The following MTOR variants were observed in gnomAD, a reference collection of about 807,000 sequenced individuals.
MTOR encodes serine/threonine-protein kinase mTOR.
A neutral mutation model predicts 319.8 loss-of-function variants in MTOR; 70 were observed. The ratio of observed to expected loss-of-function variants is 0.22; its 90% CI spans 0.18 to 0.27. MTOR has a LOEUF of 0.27. Among genes scored for constraint, MTOR ranks in the 10% least tolerant of loss-of-function variants. The pLI, the probability that MTOR is intolerant of heterozygous loss-of-function variation, is 1.00. For synonymous variants in MTOR, 1,183 were observed against 1,211.4 expected (o/e 0.98, Z 0.49); for missense variants, 1,890 against 3,274.4 (o/e 0.58, Z 10.32).
Position 11,115,321 on chromosome 1 carries a change from T to G in MTOR, c.7089+75A>C. On this transcript the variant is annotated intron_variant, in intron 51 of 57. Coordinates refer to ENST00000361445, the MANE Select transcript of MTOR (RefSeq NM_004958.4). The surrounding 1 kb of genome is among the most constrained non-coding windows in gnomAD (Gnocchi z 4.5). ...GAGTAAGGCAGTTTGGGCTTAAGTC[T>G]GCCTACAGTGTCAGAGGAGGGGGAA... 6.9e-7 allele frequency: 1 copy of G among 1,446,030 alleles called. No individual in the cohort carries two copies. The highest frequency in any genetic ancestry group is 1.1e-5 in the South Asian group (1 of 87,432). 89.6% of individuals were successfully genotyped at this position (1,446,030 alleles called of 1,614,324 possible).
chr1:11,154,206 G>C (rs1644247339), intron 30 of MTOR, among the ~76,000 whole-genome samples: 1 of 149,324 alleles, frequency 6.7e-6, no homozygotes, highest in African/African-American at 2.5e-5. Flanking sequence ...AACAGCTTTA[G>C]TTATATAAAT....
intron 28 of MTOR, among the ~76,000 whole-genome samples, chr1:11,198,809 T>C (rs139383224): frequency 4.5e-4 from 69 of 152,332 alleles, no homozygotes; most frequent in African/African-American, 1.6e-3. Context: ...GCCTTTTATA[T>C]TCACAAAACA....
intron 28 of MTOR, among the ~76,000 whole-genome samples, chr1:11,198,891 A>G (rs926058711): frequency 1.3e-5 from 2 of 152,190 alleles, no homozygotes; most frequent in Non-Finnish European, 2.9e-5. Context: ...GTACCCTCTG[A>G]AGCCCAGGAA....
Position 11,128,760 on chromosome 1 carries a change from C to T in MTOR, c.5811+95G>A, listed in dbSNP as rs1370619109. The T allele has an allele frequency of 3.5e-6, 4 of 1,154,772 alleles. No individual in the cohort carries two copies. Among genetic ancestry groups the T allele is most frequent in the Non-Finnish European group, 5.1e-6 (4 of 781,758 alleles). The allele number at this position is 1,154,772 out of a possible 1,614,324, so 71.5% of individuals were successfully genotyped here. On this transcript the variant is annotated intron_variant, in intron 41 of 57. Transcript: ENST00000361445. The surrounding 1 kb of genome is among the most constrained non-coding windows in gnomAD (Gnocchi z 5.3). ...ACTTCCTTAGCACTGTATTAACACACACTGCCTTGTGACACTGAACACAGC... is the reference window on the plus strand; with the variant it reads ...ACTTCCTTAGCACTGTATTAACACATACTGCCTTGTGACACTGAACACAGC...
At chr1:11,182,449 C>A (rs1645191319) in intron 28 of MTOR, among the ~76,000 whole-genome samples, 1 of 152,214 alleles carries the variant, frequency 6.6e-6, no homozygotes, top group South Asian at 2.1e-4. Context: ...GTGTCAGATA[C>A]TAGTTCAAGT....
chr1:11,249,238 G>A (rs112949837), intron 6 of MTOR, among the ~76,000 whole-genome samples: 4,709 of 152,110 alleles, frequency 0.031, 184 homozygotes, highest in African/African-American at 0.072. Flanking sequence ...GGCCAGGGGA[G>A]GGGGGTTGGG....
intron 34 of MTOR, 105 bp downstream of exon 34, chr1:11,144,543 C>T: frequency 2.4e-6 from 2 of 848,548 alleles, no homozygotes; most frequent in South Asian, 1.6e-5. Flanking sequence ...GTGGAGGAGG[C>T]AGGAAAAGCA....
intron 28 of MTOR, among the ~76,000 whole-genome samples, chr1:11,175,746 G>GTTTTCTTTTTTTT (rs1644963909): frequency 7.3e-6 from 1 of 137,312 alleles, no homozygotes; most frequent in African/African-American, 2.7e-5. Flanking sequence ...TCCCTAGCAG[G>GTTTTCTTTTTTTT]TTTTTTTTTT....
In MTOR at chr1:11,174,852, C is replaced by T. The variant is rs923872268; in HGVS notation, c.4254-7335G>A. Among the ~76,000 whole-genome samples the T allele has an allele frequency of 3.3e-5, 5 of 152,144 alleles. No homozygotes were observed. In the East Asian group the frequency reaches 7.7e-4, roughly 23 times the overall value. On this transcript the variant is annotated intron_variant, in intron 28 of 57. Transcript: ENST00000361445. ...GCAGGCTTATAAAGGGCAAACTGTT[C>T]AAAGCTCCAGCCCAACAGAAGAGGA... is the stretch of plus-strand genomic sequence containing the variant.
chr1:11,186,193 CA>C (rs1197693768), intron 28 of MTOR, among the ~76,000 whole-genome samples: 1 of 151,194 alleles, frequency 6.6e-6, no homozygotes, highest in Admixed American at 6.6e-5. Context: ...TTGAGATACA[CA>C]ATTAAAACTA....
At chr1:11,244,504 G>A (rs909001671) in intron 8 of MTOR, among the ~76,000 whole-genome samples, 5 of 151,510 alleles carry the variant, frequency 3.3e-5, no homozygotes, top group Admixed American at 6.6e-5. Context: ...ATGGTAGTGC[G>A]CCTGTAATCC....
At position 11,128,245 on chromosome 1, in the gene MTOR, C is replaced by A; in HGVS notation, c.5911-119G>T. 9.7e-6 allele frequency: 14 copies of A among 1,440,174 alleles called. No homozygotes were observed. Among genetic ancestry groups the A allele is most frequent in the Non-Finnish European group, 1.2e-5 (13 of 1,054,528 alleles). The allele number at this position is 1,440,174 out of a possible 1,614,324, so 89.2% of individuals were successfully genotyped here. On this transcript the variant is annotated intron_variant, in intron 42 of 57. Coordinates refer to ENST00000361445, the MANE Select transcript of MTOR (RefSeq NM_004958.4). The surrounding 1 kb of genome is among the most constrained non-coding windows in gnomAD (Gnocchi z 5.3). ...GTGTGACATTAACATCTGCTTGAGA[C>A]TACCAGGAAGGGGCTCAGTCTTCGA...
chr1:11,207,873 A>C (rs1196731971), intron 25 of MTOR, among the ~76,000 whole-genome samples: 1 of 152,126 alleles, frequency 6.6e-6, no homozygotes, highest in Non-Finnish European at 1.5e-5. Context: ...AACTTGATCT[A>C]CTTTCTCAGG....
chr1:11,185,794 A>G (rs1480544224), intron 28 of MTOR, among the ~76,000 whole-genome samples: 1 of 152,112 alleles, frequency 6.6e-6, no homozygotes, highest in Non-Finnish European at 1.5e-5. Context: ...AGAAAGGCAG[A>G]TATGTGGCCG....
At chr1:11,180,846 G>A (rs919898771) in intron 28 of MTOR, among the ~76,000 whole-genome samples, 2 of 150,582 alleles carry the variant, frequency 1.3e-5, no homozygotes, top group African/African-American at 2.5e-5. Flanking sequence ...GTGCGATCTC[G>A]GCTCACTGCA....
intron 18 of MTOR, 96 bp downstream of exon 18, chr1:11,230,829 T>G: frequency 1.9e-6 from 3 of 1,542,382 alleles, no homozygotes; most frequent in Non-Finnish European, 2.7e-6. Flanking sequence ...TATCCTATAA[T>G]TTCTCAGTAA....
intron 9 of MTOR, among the ~76,000 whole-genome samples, chr1:11,242,296 C>T (rs895374989): frequency 3.3e-5 from 5 of 151,888 alleles, no homozygotes; most frequent in Admixed American, 2.0e-4. Flanking sequence ...GCCAGGAGTT[C>T]GAGACCAGCC....
At chr1:11,197,575 G>A (rs1033952290) in intron 28 of MTOR, among the ~76,000 whole-genome samples, 3 of 152,040 alleles carry the variant, frequency 2.0e-5, no homozygotes, top group African/African-American at 2.4e-5. Flanking sequence ...ACAGAATCTC[G>A]CTGTCATCCA....
In MTOR at chr1:11,144,517, G is replaced by A; in HGVS notation, c.4872+131C>T. The A allele has an allele frequency of 7.4e-6, 5 of 677,310 alleles. No individual in the cohort carries two copies. The South Asian group carries it at 9.3e-5, about 13-fold the overall frequency. The allele number at this position is 677,310 out of a possible 1,614,324, so 42.0% of individuals were successfully genotyped here. On this transcript the variant is annotated intron_variant, in intron 34 of 57. Coordinates refer to ENST00000361445, the MANE Select transcript of MTOR (RefSeq NM_004958.4). The stretch of plus-strand genomic sequence containing the variant: ...TTTGAGTATTCTGCTTTGTATGCAA[G>A]CCAAGCAATACACTGGTGGAGGAGG...
Sources: allele counts gnomAD v4.1 joint callset (sites outside exome capture counted in the v4.1 genomes callset), GRCh38; gene constraint gnomAD v4.1.1; non-coding constraint Gnocchi (gnomAD v3.1); transcripts MANE v1.5; gene names NCBI Gene and HGNC (gene_info 2026-07-23, HGNC 2026-07-21).